SPOCK3: variants seen among roughly 807,000 people sequenced by gnomAD.
The protein encoded by SPOCK3 is testican-3.
Under a neutral mutation model 56.6 loss-of-function variants are expected in SPOCK3, and 30 were observed. The ratio of observed to expected loss-of-function variants is 0.53; its 90% CI spans 0.40 to 0.72. The LOEUF (loss-of-function observed/expected upper bound fraction) is 0.72, where lower values mean the gene tolerates loss of function less well. SPOCK3 is among the 30% of genes least tolerant of loss of function. The pLI is 0.00. For synonymous variants in SPOCK3, 196 were observed against 183.3 expected, an observed-to-expected ratio of 1.07 and a Z score of -0.56; for missense variants, 527 against 530.0, an observed-to-expected ratio of 0.99 and a Z score of 0.06.
At chr4:166,977,347 G>A (rs1376324221) in intron 4 of SPOCK3, among the ~76,000 whole-genome samples, 2 of 151,948 alleles carry the variant, frequency 1.3e-5, no homozygotes, top group Non-Finnish European at 2.9e-5. Context: ...TGAAAATGTA[G>A]ACAAAATGAT....
chr4:166,753,225 G>C (rs1736653743), intron 8 of SPOCK3, among the ~76,000 whole-genome samples: 1 of 151,876 alleles, frequency 6.6e-6, no homozygotes, highest in Admixed American at 6.6e-5. Context: ...AATAACGTTT[G>C]TCATCATAAG....
chr4:166,960,716 A>G (rs1744041147), intron 4 of SPOCK3, among the ~76,000 whole-genome samples: 1 of 152,202 alleles, frequency 6.6e-6, no homozygotes, highest in Admixed American at 6.5e-5. Flanking sequence ...CCAGAATAGG[A>G]TGAACACTGA....
chr4:167,106,224 G>C (rs1760128343), intron 2 of SPOCK3, among the ~76,000 whole-genome samples: 1 of 151,648 alleles, frequency 6.6e-6, no homozygotes, highest in Non-Finnish European at 1.5e-5. Context: ...GACCATGTTA[G>C]AATAACATGT....
At chr4:166,998,505 C>G (rs1194091426) in intron 4 of SPOCK3, among the ~76,000 whole-genome samples, 1 of 152,090 alleles carries the variant, frequency 6.6e-6, no homozygotes, top group African/African-American at 2.4e-5. Flanking sequence ...TGGGGTCGAT[C>G]AGTACAGATT....
intron 4 of SPOCK3, among the ~76,000 whole-genome samples, chr4:166,947,927 G>T (rs1741979351): frequency 6.6e-6 from 1 of 152,024 alleles, no homozygotes; most frequent in Non-Finnish European, 1.5e-5. Context: ...ATTGTTAACT[G>T]TAGTCAGCCT....
intron 5 of SPOCK3, among the ~76,000 whole-genome samples, chr4:166,912,392 G>T (rs1002831003): frequency 2.0e-5 from 3 of 152,222 alleles, no homozygotes; most frequent in African/African-American, 7.2e-5. Flanking sequence ...AGGAAAGGTT[G>T]GCTTTGATAT....
intron 3 of SPOCK3, among the ~76,000 whole-genome samples, chr4:167,051,547 CCTT>C (rs1384096059): frequency 1.3e-5 from 2 of 152,186 alleles, no homozygotes; most frequent in Non-Finnish European, 2.9e-5. Flanking sequence ...TTTCAAACTC[CCTT>C]CTTCAATGGA....
chr4:166,926,675 T>C (rs938221328), intron 4 of SPOCK3, among the ~76,000 whole-genome samples: 3 of 152,184 alleles, frequency 2.0e-5, no homozygotes, highest in African/African-American at 7.2e-5. Context: ...CTATGACACC[T>C]GACCTCCTTT....
chr4:167,132,455 AT>A (rs1275563074), intron 2 of SPOCK3, among the ~76,000 whole-genome samples: 4 of 152,248 alleles, frequency 2.6e-5, no homozygotes, highest in Non-Finnish European at 5.9e-5. Flanking sequence ...CTTTAAGATT[AT>A]ACAGTTACAG....
At chr4:166,768,058 C>T (rs575729838) in intron 7 of SPOCK3, among the ~76,000 whole-genome samples, 3 of 151,972 alleles carry the variant, frequency 2.0e-5, no homozygotes, top group Admixed American at 1.3e-4. Flanking sequence ...TTCCTCCATC[C>T]CTTTATTTTG....
chr4:167,166,458 C>G (rs1028640602), intron 2 of SPOCK3, among the ~76,000 whole-genome samples: 24 of 152,038 alleles, frequency 1.6e-4, no homozygotes, highest in African/African-American at 5.6e-4. Context: ...GTCAGTGACA[C>G]TGTACTACAA....
At chr4:166,762,476 A>G (rs1737373357) in intron 7 of SPOCK3, among the ~76,000 whole-genome samples, 1 of 151,876 alleles carries the variant, frequency 6.6e-6, no homozygotes, top group Non-Finnish European at 1.5e-5. Flanking sequence ...GCTGGCAGGA[A>G]AAGAACACTG....
intron 4 of SPOCK3, among the ~76,000 whole-genome samples, chr4:166,944,880 T>C (rs952325811): frequency 1.3e-5 from 2 of 152,208 alleles, no homozygotes; most frequent in African/African-American, 4.8e-5. Flanking sequence ...AAATATCCCA[T>C]TTCTCATCAA....
At chr4:167,002,240 T>A (rs922601507) in intron 3 of SPOCK3, among the ~76,000 whole-genome samples, 2 of 152,156 alleles carry the variant, frequency 1.3e-5, no homozygotes, top group Non-Finnish European at 2.9e-5. Context: ...ATTACAATGG[T>A]GAGCCACTGC....
chr4:167,208,458 T>C (rs997312596), intron 2 of SPOCK3, among the ~76,000 whole-genome samples: 3 of 152,116 alleles, frequency 2.0e-5, no homozygotes, highest in Non-Finnish European at 2.9e-5. Context: ...TTCTTTGTAA[T>C]TTAGGAAATC....
chr4:167,109,059 T>A (rs1400592758), intron 2 of SPOCK3, among the ~76,000 whole-genome samples: 1 of 4,258 alleles, frequency 2.3e-4, no homozygotes, highest in African/African-American at 1.4e-3. Flanking sequence ...AAAATATATA[T>A]AAATATTATA....
At chr4:166,873,524 C>T (rs185155986) in intron 6 of SPOCK3, among the ~76,000 whole-genome samples, 2 of 152,144 alleles carry the variant, frequency 1.3e-5, no homozygotes, top group Admixed American at 6.6e-5. Context: ...TATGTTAAAT[C>T]GCTGTACCTT....
chr4:167,172,611 G>A (rs1730604548), intron 2 of SPOCK3, among the ~76,000 whole-genome samples: 1 of 152,078 alleles, frequency 6.6e-6, no homozygotes, highest in Admixed American at 6.6e-5. Flanking sequence ...TTGTCCAAAT[G>A]AGTTAAATCA....
chr4:166,908,812 A>G lies in SPOCK3; in HGVS notation c.474+3808T>C, dbSNP rs77899141. Among the ~76,000 whole-genome samples, 791 of 152,200 alleles carry G rather than the reference A, an allele frequency of 5.2e-3. 7 individuals carry two copies. The highest frequency in any genetic ancestry group is 0.016 in the African/African-American group (671 of 41,568). On this transcript the variant is annotated intron_variant, in intron 5 of 10. Transcript: ENST00000357545. ...ATCCATGATCTAACATAAATGGTAT[A>G]TTGAAGAACATTCCTAGTTCTTACC...
Sources: gnomAD v4.1 joint callset for allele counts (sites outside exome capture counted in the v4.1 genomes callset) on GRCh38, gnomAD v4.1.1 for gene constraint, MANE v1.5 for transcripts, NCBI Gene and HGNC (gene_info 2026-07-23, HGNC 2026-07-21) for gene names.